Variants in NRXN3 observed in about 807,000 individuals in gnomAD.
NRXN3 encodes neurexin 3.
In NRXN3, 32 loss-of-function variants were observed where a neutral mutation model predicts 137.6. The ratio of observed to expected loss-of-function variants is 0.23; its 90% CI spans 0.18 to 0.31. NRXN3 has a LOEUF of 0.31. Among genes scored for constraint, NRXN3 ranks in the 10% least tolerant of loss-of-function variants. The pLI is 1.00. For missense variants in NRXN3, 1,574 were observed against 2,062.5 expected, an observed-to-expected ratio of 0.76 and a Z score of 4.59; for synonymous variants, 798 against 784.5, an observed-to-expected ratio of 1.02 and a Z score of -0.29.
intron 4 of NRXN3, among the ~76,000 whole-genome samples, chr14:78,537,921 G>T (rs1243790348): frequency 6.6e-6 from 1 of 152,158 alleles, no homozygotes; most frequent in Non-Finnish European, 1.5e-5. Flanking sequence ...GATGGTTGTA[G>T]ATGTGTAGTG....
intron 1 of NRXN3, among the ~76,000 whole-genome samples, chr14:78,202,045 C>A (rs1595866895): frequency 6.6e-6 from 1 of 152,112 alleles, no homozygotes; most frequent in Non-Finnish European, 1.5e-5. Context: ...TCAGGTGCAG[C>A]CCAGAATGAA....
chr14:78,852,559 T>A (rs1351026259), intron 10 of NRXN3, among the ~76,000 whole-genome samples: 5 of 152,172 alleles, frequency 3.3e-5, no homozygotes, highest in African/African-American at 1.2e-4. Context: ...TGACATTGAA[T>A]CTCATGTTCA....
chr14:79,865,497 C>T lies in NRXN3; in HGVS notation c.*3533C>T, dbSNP rs1056966244. 3.3e-5 allele frequency: 5 copies of T among 152,072 alleles called. No homozygotes were observed. Among genetic ancestry groups the T allele is most frequent in the African/African-American group, 1.2e-4 (5 of 41,394 alleles). 9.4% of individuals were successfully genotyped at this position (152,072 alleles called of 1,614,324 possible). On this transcript the variant is annotated 3_prime_UTR_variant, in exon 21 of 21. Coordinates refer to ENST00000335750, the MANE Select transcript of NRXN3 (RefSeq NM_001330195.2). ...TTTTAAAAATATATATTTAGTTAAG[C>T]CTGTGCCTTCAAGATAACATTAGTG...
At chr14:78,463,825 A>C (rs896331166) in intron 4 of NRXN3, among the ~76,000 whole-genome samples, 1 of 150,828 alleles carries the variant, frequency 6.6e-6, no homozygotes, top group Non-Finnish European at 1.5e-5. Context: ...TGCTGAATAC[A>C]TTTACTTAGA....
At chr14:78,334,389 T>C (rs1597440383) in intron 4 of NRXN3, among the ~76,000 whole-genome samples, 1 of 152,230 alleles carries the variant, frequency 6.6e-6, no homozygotes, top group Non-Finnish European at 1.5e-5. Context: ...TGGATTCAGA[T>C]CAAGCTTCTA....
chr14:79,852,450 A>G (rs1408800195), intron 20 of NRXN3, among the ~76,000 whole-genome samples: 1 of 152,018 alleles, frequency 6.6e-6, no homozygotes, highest in Non-Finnish European at 1.5e-5. Flanking sequence ...CCTAAATGCA[A>G]CTTACTTTAA....
At chr14:79,531,548 G>A (rs1327123100) in intron 16 of NRXN3, among the ~76,000 whole-genome samples, 1 of 152,112 alleles carries the variant, frequency 6.6e-6, no homozygotes, top group African/African-American at 2.4e-5. Flanking sequence ...AAACATTGAT[G>A]ACATTTCGCA....
At chr14:78,969,597 G>C (rs1023379719) in intron 14 of NRXN3, among the ~76,000 whole-genome samples, 1 of 152,048 alleles carries the variant, frequency 6.6e-6, no homozygotes, top group Non-Finnish European at 1.5e-5. Context: ...GCTTCCATCT[G>C]GGTTAGCTCA....
intron 15 of NRXN3, among the ~76,000 whole-genome samples, chr14:79,308,512 G>A (rs1250915767): frequency 6.6e-6 from 1 of 152,122 alleles, no homozygotes; most frequent in Non-Finnish European, 1.5e-5. Flanking sequence ...AGAAGCTGTG[G>A]CTAAAGTCAG....
chr14:79,813,824 A>T (rs2099243195), intron 20 of NRXN3, among the ~76,000 whole-genome samples: 1 of 152,222 alleles, frequency 6.6e-6, no homozygotes, highest in Admixed American at 6.5e-5. Context: ...AATTGAAAAG[A>T]TAAGAGTCAG....
intron 16 of NRXN3, among the ~76,000 whole-genome samples, chr14:79,648,102 A>C (rs956461532): frequency 1.5e-5 from 2 of 135,066 alleles, no homozygotes; most frequent in African/African-American, 4.9e-5. Context: ...TGGCCTTCTC[A>C]GTCTATCCTT....
chr14:79,225,616 G>A (rs2070713693), intron 15 of NRXN3, among the ~76,000 whole-genome samples: 1 of 152,008 alleles, frequency 6.6e-6, no homozygotes, highest in Non-Finnish European at 1.5e-5. Flanking sequence ...TAAAACTAGT[G>A]CAACACTTTT....
Position 79,702,913 on chromosome 14 carries a change from T to C in NRXN3, c.4014+4976T>C, listed in dbSNP as rs143528767. 2.0e-3 allele frequency among the ~76,000 whole-genome samples: 285 copies of C among 145,010 alleles called. 10 individuals are homozygous for C. In the East Asian group the frequency reaches 0.053, roughly 27 times the overall value. ...AGTCTTTTACCTTATGTCTCCATCC[T>C]GAGTTATCAGCAGAAAAAAAAAAAA... On this transcript the variant is annotated intron_variant, in intron 19 of 20. Transcript: ENST00000335750.
intron 20 of NRXN3, among the ~76,000 whole-genome samples, chr14:79,860,706 T>G (rs747955546): frequency 6.7e-4 from 102 of 152,226 alleles, no homozygotes; most frequent in Non-Finnish European, 1.3e-3. Context: ...ACATGCCAAT[T>G]TTGATAGCCA....
At chr14:79,646,587 C>T (rs918246575) in intron 16 of NRXN3, among the ~76,000 whole-genome samples, 1 of 134,748 alleles carries the variant, frequency 7.4e-6, no homozygotes, top group African/African-American at 2.5e-5. Context: ...TTTTGACATT[C>T]CCGAAAATGT....
intron 8 of NRXN3, among the ~76,000 whole-genome samples, chr14:78,777,242 C>CAT (rs2098747491): frequency 6.6e-6 from 1 of 152,170 alleles, no homozygotes; most frequent in Non-Finnish European, 1.5e-5. Context: ...TCAATGGACA[C>CAT]ATTCTTATTT....
intron 4 of NRXN3, among the ~76,000 whole-genome samples, chr14:78,331,998 CAT>C (rs2153571022): frequency 6.6e-6 from 1 of 152,202 alleles, no homozygotes; most frequent in African/African-American, 2.4e-5. Flanking sequence ...GAGAAAAAAC[CAT>C]GAACTTCAGA....
chr14:79,806,940 A>T (rs1283179909), intron 20 of NRXN3, among the ~76,000 whole-genome samples: 9 of 35,406 alleles, frequency 2.5e-4, no homozygotes, highest in African/African-American at 8.1e-4. Flanking sequence ...CTTTAATTTT[A>T]TATATATATA....
chr14:78,514,193 G>A (rs888684522), intron 4 of NRXN3, among the ~76,000 whole-genome samples: 10 of 152,070 alleles, frequency 6.6e-5, no homozygotes, highest in East Asian at 1.9e-4. Flanking sequence ...TTCCAAGACC[G>A]CAATGAAAGA....
Sources: gnomAD v4.1 joint callset for allele counts (sites outside exome capture counted in the v4.1 genomes callset) on GRCh38, gnomAD v4.1.1 for gene constraint, MANE v1.5 for transcripts, NCBI Gene and HGNC (gene_info 2026-07-23, HGNC 2026-07-21) for gene names.